Variants in SLC6A17 observed in about 807,000 individuals in gnomAD.
The protein encoded by SLC6A17 is sodium-dependent neutral amino acid transporter SLC6A17.
A neutral mutation model predicts 64.5 loss-of-function variants in SLC6A17; 21 were observed. That is an observed-to-expected ratio of 0.33 (90% CI 0.23 to 0.47). SLC6A17 has a LOEUF of 0.47. Among genes scored for constraint, SLC6A17 ranks in the 20% least tolerant of loss-of-function variants. The pLI is 1.00. For synonymous variants in SLC6A17, 372 were observed against 399.5 expected (o/e 0.93, Z 0.82); for missense variants, 682 against 963.2 (o/e 0.71, Z 3.86).
intron 6 of SLC6A17, among the ~76,000 whole-genome samples, 177 bp from the exon 7 acceptor site, chr1:110,191,795 G>A (rs767227384): frequency 3.9e-5 from 6 of 152,174 alleles, no homozygotes; most frequent in African/African-American, 9.7e-5. Flanking sequence ...TGTGATCTGC[G>A]TATTGGGGAA....
Position 110,192,392 on chromosome 1 carries a change from G to T in SLC6A17, c.1107-114G>T. ...GGGCCACAGGGACAAGCTCAGAGATGCCTCTGTCAGTGACCCATGAGGTTC... is the reference window on the plus strand; with the variant it reads ...GGGCCACAGGGACAAGCTCAGAGATTCCTCTGTCAGTGACCCATGAGGTTC... On this transcript the variant is annotated intron_variant, in intron 7 of 11. Coordinates refer to ENST00000331565, the MANE Select transcript of SLC6A17 (RefSeq NM_001010898.4). The surrounding 1 kb of genome is among the most constrained non-coding windows in gnomAD (Gnocchi z 4.3). The T allele has an allele frequency of 6.9e-7, 1 of 1,447,274 alleles. No individual in the cohort carries two copies. The highest frequency in any genetic ancestry group is 1.4e-5 in the South Asian group (1 of 73,382). The allele number at this position is 1,447,274 out of a possible 1,614,324, so 89.7% of individuals were successfully genotyped here. A position where few individuals can be genotyped will look rare whatever the true frequency, so the allele number is the denominator to read the frequency against.
intron 1 of SLC6A17, among the ~76,000 whole-genome samples, chr1:110,161,375 T>G (rs1226338991): frequency 6.6e-6 from 1 of 152,088 alleles, no homozygotes; most frequent in Non-Finnish European, 1.5e-5. Context: ...AGGTCCTGAG[T>G]GGGGACCACT....
At chr1:110,176,228 C>T (rs982850153) in intron 5 of SLC6A17, among the ~76,000 whole-genome samples, 1 of 152,112 alleles carries the variant, frequency 6.6e-6, no homozygotes, top group African/African-American at 2.4e-5. Flanking sequence ...CTATAACCTC[C>T]TGAAGGTCTT....
At position 110,182,642 on chromosome 1, in the gene SLC6A17, C is replaced by T. The variant is rs538896556; in HGVS notation, c.864+5903C>T. ...GGAGCAGAGAGAGAGACAGGCAGGC[C>T]GACAGACAAACAGACATTCTAGATG... On this transcript the variant is annotated intron_variant, in intron 6 of 11. Transcript: ENST00000331565. 7.9e-5 allele frequency among the ~76,000 whole-genome samples: 12 copies of T among 151,066 alleles called. 1 individual carries two copies. The South Asian group carries it at 8.4e-4, about 11-fold the overall frequency.
In SLC6A17 at chr1:110,192,490, C is replaced by A; in HGVS notation, c.1107-16C>A. 1 of 1,604,772 alleles carries A rather than the reference C, an allele frequency of 6.2e-7. No individual in the cohort carries two copies. The highest frequency in any genetic ancestry group is 8.5e-7 in the Non-Finnish European group (1 of 1,175,254). ...CCCCTGCCTTCTTACCTGGTCCTCT[C>A]GGTTTTGTGCTGCAGGAATGCTGAG... On this transcript the variant is annotated splice_polypyrimidine_tract_variant and intron_variant, in intron 7 of 11. Coordinates refer to ENST00000331565, the MANE Select transcript of SLC6A17 (RefSeq NM_001010898.4). The surrounding 1 kb of genome is among the most constrained non-coding windows in gnomAD (Gnocchi z 4.3).
At chr1:110,166,782 T>C (rs1656069632) in intron 1 of SLC6A17, 61 bp from the exon 2 acceptor site, 2 of 1,037,736 alleles carry the variant, frequency 1.9e-6, no homozygotes, top group Non-Finnish European at 1.3e-6. Flanking sequence ...TGTGTCCACG[T>C]TGGGCTCCTC....
At chr1:110,169,689 C>G (rs1420584357) in intron 2 of SLC6A17, among the ~76,000 whole-genome samples, 1 of 152,184 alleles carries the variant, frequency 6.6e-6, no homozygotes, top group Non-Finnish European at 1.5e-5. Flanking sequence ...GATAAATCTC[C>G]TAACATCCTG....
In SLC6A17 at chr1:110,192,794, G is replaced by C; in HGVS notation, c.1299+96G>C. On this transcript the variant is annotated intron_variant, in intron 8 of 11. Transcript: ENST00000331565. The surrounding 1 kb of genome is among the most constrained non-coding windows in gnomAD (Gnocchi z 4.3). ...GGCTCAGGCCTCAGGATGCTGACAG[G>C]TAGTCATTAGTTTACTTGGTAAGCA... 2.3e-6 allele frequency: 3 copies of C among 1,304,384 alleles called. No homozygotes were observed. Among genetic ancestry groups the C allele is most frequent in the Non-Finnish European group, 3.1e-6 (3 of 959,110 alleles). 80.8% of individuals were successfully genotyped at this position (1,304,384 alleles called of 1,614,324 possible).
Position 110,192,473 on chromosome 1 carries a change from T to A in SLC6A17, c.1107-33T>A, listed in dbSNP as rs1656853734. The A allele has an allele frequency of 6.3e-7, 1 of 1,589,812 alleles. No homozygotes were observed. Among genetic ancestry groups the A allele is most frequent in the East Asian group, 2.2e-5 (1 of 44,760 alleles). On this transcript the variant is annotated intron_variant, in intron 7 of 11. Coordinates refer to ENST00000331565, the MANE Select transcript of SLC6A17 (RefSeq NM_001010898.4). The surrounding 1 kb of genome is among the most constrained non-coding windows in gnomAD (Gnocchi z 4.3). Reference sequence around the variant, plus strand: ...ATCTCACCCATTGCCCACCCCTGCCTTCTTACCTGGTCCTCTCGGTTTTGT... The same window carrying A: ...ATCTCACCCATTGCCCACCCCTGCCATCTTACCTGGTCCTCTCGGTTTTGT...
intron 6 of SLC6A17, among the ~76,000 whole-genome samples, chr1:110,180,414 C>CT (rs1352414070): frequency 1.3e-5 from 2 of 152,242 alleles, no homozygotes; most frequent in African/African-American, 4.8e-5. Flanking sequence ...GCTAATCTGC[C>CT]TTTCCCCATC....
At position 110,197,582 on chromosome 1, in the gene SLC6A17, G is replaced by A. The variant is rs769736110; in HGVS notation, c.1798G>A (p.Ala600Thr). The A allele has an allele frequency of 1.7e-5, 28 of 1,604,266 alleles. No homozygotes were observed. Among genetic ancestry groups the A allele is most frequent in the Middle Eastern group, 1.7e-4 (1 of 6,018 alleles). The stretch of plus-strand genomic sequence containing the variant: ...GGGGGTCACGCCCCCGGGCTACAGC[G>A]CCTGGATCAAGGAGGAGGTGAGGGG... ...QLGVTPPGYS[A>T]WIKEEAAERY... The change falls in exon 11 of 12, where the codon GCC becomes ACC. Residue 600 changes from alanine (A) to threonine (T), a missense_variant. Around this residue, in one of 3 missense-constraint regions of SLC6A17, gnomAD observed 264 missense variants for 339.5 expected, o/e 0.78. Coordinates refer to ENST00000331565, the MANE Select transcript of SLC6A17 (RefSeq NM_001010898.4).
intron 11 of SLC6A17, among the ~76,000 whole-genome samples, 195 bp downstream of exon 11, chr1:110,197,794 G>A (rs377254259): frequency 3.3e-4 from 51 of 152,370 alleles, no homozygotes; most frequent in African/African-American, 1.2e-3. Flanking sequence ...CGGGGACACC[G>A]AGGCTCAGAA....
chr1:110,166,213 C>G (rs1551413), intron 1 of SLC6A17: 1 of 152,180 alleles, frequency 6.6e-6, no homozygotes, highest in Non-Finnish European at 1.5e-5. Context: ...CCTGGTCAAC[C>G]AGTCCAGCTA....
intron 1 of SLC6A17, among the ~76,000 whole-genome samples, chr1:110,151,997 G>T (rs1183158448): frequency 6.6e-6 from 1 of 152,102 alleles, no homozygotes; most frequent in African/African-American, 2.4e-5. Flanking sequence ...TCCTGTAATG[G>T]CTCCAAAAAA....
At chr1:110,171,961 A>G in intron 2 of SLC6A17, 99 bp from the exon 3 acceptor site, 2 of 1,452,378 alleles carry the variant, frequency 1.4e-6, no homozygotes, top group African/African-American at 1.4e-5. Context: ...GCGGATGACC[A>G]GAGATGTGGC....
rs755393621 is a variant in SLC6A17 at position 110,195,755 on chromosome 1, A to G, written c.1652+10A>G. On this transcript the variant is annotated intron_variant, in intron 10 of 11. Coordinates refer to ENST00000331565, the MANE Select transcript of SLC6A17 (RefSeq NM_001010898.4). The stretch of plus-strand genomic sequence containing the variant: ...TTTATGGAACCAAGAAGTAAGAGGA[A>G]CATGGGGGAAAGGTGGGATGGGAGG... 1.9e-6 allele frequency: 3 copies of G among 1,613,968 alleles called. No individual in the cohort carries two copies. Among genetic ancestry groups the G allele is most frequent in the East Asian group, 2.2e-5 (1 of 44,900 alleles).
rs866169972 is a variant in SLC6A17, at chr1:110,199,970, C to T, written c.*1526C>T. ...ATGGATAGATGGATGGATGGATGGA[C>T]GGATGGGGTGGGGGAAGGAAGGAAA... is the stretch of plus-strand genomic sequence containing the variant. On this transcript the variant is annotated 3_prime_UTR_variant, in exon 12 of 12. Coordinates refer to ENST00000331565, the MANE Select transcript of SLC6A17 (RefSeq NM_001010898.4). The T allele has an allele frequency of 9.9e-5, 34 of 342,196 alleles. No homozygotes were observed. Among genetic ancestry groups the T allele is most frequent in the Middle Eastern group, 1.3e-3 (2 of 1,528 alleles). 21.2% of individuals were successfully genotyped at this position (342,196 alleles called of 1,614,324 possible). A position where few individuals can be genotyped will look rare whatever the true frequency, so the allele number is the denominator to read the frequency against.
chr1:110,191,469 G>A (rs1656822124), intron 6 of SLC6A17, among the ~76,000 whole-genome samples: 1 of 151,978 alleles, frequency 6.6e-6, no homozygotes, highest in African/African-American at 2.4e-5. Flanking sequence ...GGCGGTTTGG[G>A]TTTTTTTTCC....
intron 1 of SLC6A17, among the ~76,000 whole-genome samples, chr1:110,161,853 C>T (rs1486992571): frequency 6.6e-6 from 1 of 152,222 alleles, no homozygotes; most frequent in East Asian, 1.9e-4. Context: ...CCACCTTGAG[C>T]TTATTGCCGG....
Sources: allele counts gnomAD v4.1 joint callset (sites outside exome capture counted in the v4.1 genomes callset), GRCh38; gene constraint gnomAD v4.1.1; regional missense constraint gnomAD v4.1.1; non-coding constraint Gnocchi (gnomAD v3.1); transcripts MANE v1.5; gene names NCBI Gene and HGNC (gene_info 2026-07-23, HGNC 2026-07-21).